The following SOCS2 variants were observed in gnomAD, a reference collection of about 807,000 sequenced individuals.
SOCS2 encodes the protein suppressor of cytokine signaling 2.
A neutral mutation model predicts 18.6 loss-of-function variants in SOCS2; 10 were observed. The ratio of observed to expected loss-of-function variants is 0.54; its 90% CI spans 0.33 to 0.91. The LOEUF is 0.91. SOCS2 is among the 40% of genes least tolerant of loss of function. The probability of loss-of-function intolerance (pLI) is 0.02; values close to 1 mark genes in which losing one functional copy is unlikely to be tolerated. For missense variants in SOCS2, 231 were observed against 247.2 expected, an observed-to-expected ratio of 0.93 and a Z score of 0.44; for synonymous variants, 104 against 104.0, an observed-to-expected ratio of 1.00 and a Z score of 0.00.
Position 93,572,819 on chromosome 12 carries a change from G to T in SOCS2, c.-79G>T. Reference sequence around the variant, plus strand: ...AGGGACTCGTTTTGGGATTCGCACTGACTTCAAGGAAGGACGCGAACCCTT... The same window carrying T: ...AGGGACTCGTTTTGGGATTCGCACTTACTTCAAGGAAGGACGCGAACCCTT... On this transcript the variant is annotated 5_prime_UTR_variant, in exon 1 of 2. Transcript: ENST00000551556. The surrounding 1 kb of genome is among the most constrained non-coding windows in gnomAD (Gnocchi z 5.0). The T allele has an allele frequency of 6.5e-7, 1 of 1,540,774 alleles. No homozygotes were observed. The highest frequency in any genetic ancestry group is 1.2e-5 in the South Asian group (1 of 83,802).
the SOCS2 span, among the ~76,000 whole-genome samples, chr12:93,612,516 T>A: frequency 1.3e-5 from 2 of 152,232 alleles, no homozygotes; most frequent in Non-Finnish European, 2.9e-5. Flanking sequence ...TGCTCAATCC[T>A]GCTATCTTCA....
At chr12:93,604,817 C>T in the SOCS2 span, among the ~76,000 whole-genome samples, 1 of 151,758 alleles carries the variant, frequency 6.6e-6, no homozygotes, top group Non-Finnish European at 1.5e-5. Context: ...CGGCCCCACA[C>T]CTGGCTGATA....
upstream of SOCS2, chr12:93,571,757 C>G: frequency 3.1e-6 from 1 of 325,946 alleles, no homozygotes; most frequent in Non-Finnish European, 6.1e-6. Context: ...CCGGGCATCT[C>G]GTTCCCAAAT....
downstream of SOCS2, among the ~76,000 whole-genome samples, chr12:93,584,440 G>A (rs1365955264): frequency 1.3e-5 from 2 of 152,054 alleles, no homozygotes; most frequent in African/African-American, 4.8e-5. Context: ...TAACAGGAGG[G>A]AAACTTGAGA....
chr12:93,573,152 C>A, intron 1 of SOCS2, 116 bp downstream of exon 1: 2 of 1,326,794 alleles, frequency 1.5e-6, no homozygotes, highest in Non-Finnish European at 2.1e-6. Context: ...TCCCTTGCTT[C>A]CAAGGGACCG....
downstream of SOCS2, among the ~76,000 whole-genome samples, chr12:93,587,679 T>TAAA (rs1015520754): frequency 1.1e-5 from 1 of 93,766 alleles, no homozygotes; most frequent in Admixed American, 1.2e-4. Context: ...AGACTCTGTC[T>TAAA]AAAAAAAAAA....
the SOCS2 span, among the ~76,000 whole-genome samples, chr12:93,622,444 G>A: frequency 0.045 from 6,855 of 152,270 alleles, 206 homozygotes; most frequent in Middle Eastern, 0.14. Context: ...TCATTGGCAT[G>A]TCAGCTATGA....
At chr12:93,607,370 G>A in the SOCS2 span, among the ~76,000 whole-genome samples, 3 of 152,174 alleles carry the variant, frequency 2.0e-5, no homozygotes, top group Non-Finnish European at 4.4e-5. Flanking sequence ...TCCACTCAGA[G>A]TACAATTTCC....
At chr12:93,579,048 C>G (rs1052523395), downstream of SOCS2, among the ~76,000 whole-genome samples, 7 of 152,216 alleles carry the variant, frequency 4.6e-5, no homozygotes, top group African/African-American at 1.7e-4. Context: ...AATCTGTTTG[C>G]TGTTTTAAAA....
chr12:93,585,906 C>T (rs1253758728), downstream of SOCS2, among the ~76,000 whole-genome samples: 2 of 152,298 alleles, frequency 1.3e-5, no homozygotes, highest in Admixed American at 6.5e-5. Context: ...ATATAACCGG[C>T]ATACACCCTC....
At chr12:93,591,257 GAACA>G in the SOCS2 span, among the ~76,000 whole-genome samples, 1 of 131,786 alleles carries the variant, frequency 7.6e-6, no homozygotes, top group Non-Finnish European at 1.7e-5. Context: ...AAAAACAAAC[GAACA>G]AACAAAAAAA....
chr12:93,577,612 G>A (rs890046032), downstream of SOCS2, among the ~76,000 whole-genome samples: 3 of 151,918 alleles, frequency 2.0e-5, no homozygotes, highest in African/African-American at 7.3e-5. Context: ...GTTAGAGCAG[G>A]CTGAAAAAGA....
the SOCS2 span, among the ~76,000 whole-genome samples, chr12:93,625,745 C>CA: frequency 8.5e-3 from 525 of 61,758 alleles, 4 homozygotes; most frequent in South Asian, 0.016. Context: ...GAGACCATCT[C>CA]AAAAAAAAAA....
At chr12:93,609,502 T>A in the SOCS2 span, among the ~76,000 whole-genome samples, 1 of 151,688 alleles carries the variant, frequency 6.6e-6, no homozygotes, top group African/African-American at 2.4e-5. Context: ...TTAATTACAT[T>A]GATTTACTTA....
At chr12:93,614,627 C>CTTTA in the SOCS2 span, among the ~76,000 whole-genome samples, 19 of 89,610 alleles carry the variant, frequency 2.1e-4, no homozygotes, top group African/African-American at 9.4e-4. Flanking sequence ...TTCTTTCTTT[C>CTTTA]TTTCTTTTGA....
intron 1 of SOCS2, 194 bp from the exon 2 acceptor site, chr12:93,574,528 A>G: frequency 4.5e-6 from 2 of 448,278 alleles, no homozygotes; most frequent in South Asian, 5.5e-5. Context: ...TGTTCATAAA[A>G]TGGACCCAAA....
At chr12:93,598,125 G>C in the SOCS2 span, among the ~76,000 whole-genome samples, 1 of 152,222 alleles carries the variant, frequency 6.6e-6, no homozygotes, top group South Asian at 2.1e-4. Context: ...AAGTGGGGAA[G>C]TGAGGGGATT....
the SOCS2 span, among the ~76,000 whole-genome samples, chr12:93,622,804 G>T: frequency 2.0e-5 from 3 of 152,040 alleles, no homozygotes; most frequent in Non-Finnish European, 4.4e-5. Flanking sequence ...CACACACCCA[G>T]CTTCCTCCAC....
the SOCS2 span, among the ~76,000 whole-genome samples, chr12:93,605,881 C>T: frequency 5.3e-5 from 8 of 152,204 alleles, no homozygotes; most frequent in Non-Finnish European, 1.2e-4. Context: ...ATGTGTCTGT[C>T]ATTGCCAAGT....
Sources: gnomAD v4.1 joint callset for allele counts (sites outside exome capture counted in the v4.1 genomes callset) on GRCh38, gnomAD v4.1.1 for gene constraint, Gnocchi (gnomAD v3.1) non-coding constraint, MANE v1.5 for transcripts, NCBI Gene and HGNC (gene_info 2026-07-23, HGNC 2026-07-21) for gene names.